The following ELAPOR2 variants were observed in gnomAD, a reference collection of about 807,000 sequenced individuals.
The protein encoded by ELAPOR2 is endosome-lysosome associated apoptosis and autophagy regulator family member 2.
A neutral mutation model predicts 120.7 loss-of-function variants in ELAPOR2; 89 were observed. The observed-to-expected ratio is 0.74, with a 90% confidence interval of 0.62 to 0.88. The LOEUF is 0.88. ELAPOR2 is among the 40% of genes least tolerant of loss of function. The pLI is 0.00. For missense variants in ELAPOR2, 1,134 were observed against 1,251.6 expected (o/e 0.91, Z 1.42); for synonymous variants, 444 against 444.9 (o/e 1.00, Z 0.03).
intron 1 of ELAPOR2, among the ~76,000 whole-genome samples, chr7:87,028,378 T>C (rs1794316201): frequency 6.6e-6 from 1 of 152,166 alleles, no homozygotes; most frequent in African/African-American, 2.4e-5. Context: ...TTCAACACTT[T>C]CTTTATTTGA....
intron 21 of ELAPOR2, among the ~76,000 whole-genome samples, chr7:86,885,134 G>A (rs1031449031): frequency 3.9e-5 from 6 of 152,164 alleles, no homozygotes; most frequent in African/African-American, 1.4e-4. Flanking sequence ...CTACTTTTAT[G>A]TTAAAACCAG....
chr7:86,981,002 A>T (rs76114097), intron 1 of ELAPOR2, among the ~76,000 whole-genome samples: 5,285 of 152,166 alleles, frequency 0.035, 308 homozygotes, highest in African/African-American at 0.12. Flanking sequence ...TGCACTACAG[A>T]TTCTGGGTGT....
At chr7:86,918,568 A>T (rs746019519) in intron 11 of ELAPOR2, 24 bp from the exon 12 acceptor site, 1 of 1,306,294 alleles carries the variant, frequency 7.7e-7, no homozygotes, top group Non-Finnish European at 1.1e-6. Context: ...TAAAATGGCA[A>T]TATTTATACT....
In ELAPOR2 at chr7:86,946,523, A is replaced by G. The variant is rs550687643; in HGVS notation, c.506+1204T>C. 1.0e-3 allele frequency among the ~76,000 whole-genome samples: 158 copies of G among 152,088 alleles called. 1 individual carries two copies. Among genetic ancestry groups the G allele is most frequent in the Non-Finnish European group, 1.7e-3 (119 of 68,012 alleles). On this transcript the variant is annotated intron_variant, in intron 3 of 21. Coordinates refer to ENST00000450689, the MANE Select transcript of ELAPOR2 (RefSeq NM_001142749.3). The stretch of plus-strand genomic sequence containing the variant: ...TGCCTCAGCCTCCAGAGTACCTGGG[A>G]TTACGGGCACCTGCCACCACGCCAG...
chr7:86,973,998 TC>T (rs1332786418), intron 1 of ELAPOR2, among the ~76,000 whole-genome samples: 1 of 151,966 alleles, frequency 6.6e-6, no homozygotes, highest in African/African-American at 2.4e-5. Flanking sequence ...GATCCCTCCC[TC>T]TACCTCTTGA....
chr7:86,984,658 C>A (rs1365675123), intron 1 of ELAPOR2, among the ~76,000 whole-genome samples: 3 of 152,170 alleles, frequency 2.0e-5, no homozygotes, highest in African/African-American at 7.2e-5. Context: ...ACACAATGTA[C>A]CAGTATCTCT....
intron 1 of ELAPOR2, among the ~76,000 whole-genome samples, chr7:87,042,009 A>G (rs1470044397): frequency 1.3e-5 from 2 of 151,638 alleles, no homozygotes; most frequent in South Asian, 2.1e-4. Context: ...CAAAAGAGAC[A>G]AAGAAGGCCA....
chr7:87,040,250 G>C (rs1479304843), intron 1 of ELAPOR2, among the ~76,000 whole-genome samples: 2 of 152,242 alleles, frequency 1.3e-5, no homozygotes, highest in Non-Finnish European at 2.9e-5. Flanking sequence ...CGGAAAGCTC[G>C]AACTGGGTGG....
chr7:86,939,594 A>G (rs1790715723), intron 6 of ELAPOR2, among the ~76,000 whole-genome samples: 1 of 152,180 alleles, frequency 6.6e-6, no homozygotes, highest in East Asian at 1.9e-4. Context: ...AGAAGCATAA[A>G]AGGTTTAGGA....
chr7:86,882,515 T>G (rs1201058772), intron 21 of ELAPOR2, among the ~76,000 whole-genome samples: 1 of 152,178 alleles, frequency 6.6e-6, no homozygotes, highest in African/African-American at 2.4e-5. Flanking sequence ...TCCTCTGCAT[T>G]TGCATGGGAT....
chr7:87,044,784 G>A (rs1237756060), intron 1 of ELAPOR2, among the ~76,000 whole-genome samples: 2 of 151,342 alleles, frequency 1.3e-5, no homozygotes, highest in South Asian at 2.1e-4. Context: ...AACAGCTTCT[G>A]CACAGCAAAA....
chr7:86,933,125 A>G (rs1265389834), intron 8 of ELAPOR2, among the ~76,000 whole-genome samples: 2 of 151,610 alleles, frequency 1.3e-5, no homozygotes, highest in Non-Finnish European at 2.9e-5. Flanking sequence ...ATATAAATAT[A>G]TCAAATATAT....
rs751313052 is a variant in ELAPOR2 at position 86,880,474 on chromosome 7, T to A, written c.3087A>T (p.Ile1029=). Residue 1029 remains isoleucine (I), a synonymous_variant, in exon 22 of 22, where the codon ATA becomes ATT. Coordinates refer to ENST00000450689, the MANE Select transcript of ELAPOR2 (RefSeq NM_001142749.3). ...TCAAGGCTACAGCACTGTCTCTTCA[T>A]ATATTTGGGGATCTTGAGGTTTTCA... is the stretch of plus-strand genomic sequence containing the variant. ...VQLKTSRSPN[I] 1 of 1,607,646 alleles carries A rather than the reference T, an allele frequency of 6.2e-7. No individual in the cohort carries two copies. Among genetic ancestry groups the A allele is most frequent in the Middle Eastern group, 1.7e-4 (1 of 6,048 alleles).
At chr7:87,045,021 T>C (rs1180167855) in intron 1 of ELAPOR2, among the ~76,000 whole-genome samples, 1 of 141,750 alleles carries the variant, frequency 7.1e-6, no homozygotes, top group East Asian at 2.0e-4. Context: ...TCACCATCAC[T>C]GGCCATCAGA....
intron 1 of ELAPOR2, among the ~76,000 whole-genome samples, chr7:86,993,522 A>G (rs559094680): frequency 1.3e-5 from 2 of 152,342 alleles, no homozygotes; most frequent in Non-Finnish European, 2.9e-5. Context: ...CTAGGTTATT[A>G]AAATAAGAGG....
intron 2 of ELAPOR2, among the ~76,000 whole-genome samples, chr7:86,955,426 C>T (rs1044633929): frequency 6.6e-5 from 10 of 151,742 alleles, no homozygotes; most frequent in Admixed American, 3.9e-4. Context: ...CATGTCAAAA[C>T]ATACAAGGCA....
At chr7:86,919,356 G>C (rs1789715436) in intron 10 of ELAPOR2, 46 bp from the exon 11 acceptor site, 1 of 1,149,812 alleles carries the variant, frequency 8.7e-7, no homozygotes, top group Non-Finnish European at 1.3e-6. Context: ...TTCCATTAAT[G>C]ATCTCCAACA....
At chr7:86,887,665 A>C (rs560324833) in intron 21 of ELAPOR2, among the ~76,000 whole-genome samples, 1 of 152,126 alleles carries the variant, frequency 6.6e-6, no homozygotes, top group Non-Finnish European at 1.5e-5. Flanking sequence ...GACCTTCTAC[A>C]TTTCCTACTG....
chr7:86,909,096 A>G (rs1006686667), intron 16 of ELAPOR2, among the ~76,000 whole-genome samples: 2 of 152,090 alleles, frequency 1.3e-5, no homozygotes, highest in African/African-American at 4.8e-5. Context: ...ATAAGAGCAA[A>G]CTTTGCTTCA....
Sources: allele counts gnomAD v4.1 joint callset (sites outside exome capture counted in the v4.1 genomes callset), GRCh38; gene constraint gnomAD v4.1.1; transcripts MANE v1.5; gene names NCBI Gene and HGNC (gene_info 2026-07-23, HGNC 2026-07-21).